Variants in ACSL4 observed in about 807,000 individuals in gnomAD.
The protein encoded by ACSL4 is acyl-CoA synthetase long chain family member 4.
A neutral mutation model predicts 49.1 loss-of-function variants in ACSL4; 9 were observed. That is an observed-to-expected ratio of 0.18 (90% CI 0.11 to 0.32). The LOEUF (loss-of-function observed/expected upper bound fraction) is 0.32. ACSL4 is among the 10% of genes least tolerant of loss of function. The pLI is 1.00. For missense variants in ACSL4, 333 were observed against 493.7 expected, an observed-to-expected ratio of 0.67 and a Z score of 3.08; for synonymous variants, 191 against 170.3, an observed-to-expected ratio of 1.12 and a Z score of -0.95.
chrX:109,732,241 C>T (rs1176697658), intron 1 of ACSL4, among the ~76,000 whole-genome samples: 1 of 111,836 alleles, frequency 8.9e-6, no homozygotes, highest in Non-Finnish European at 1.9e-5. Flanking sequence ...CGACGATTGA[C>T]CTTTTTTTAG....
Position 109,681,065 on chromosome X carries a change from C to G in ACSL4, c.588G>C (p.Glu196Asp). The change falls in exon 6 of 16, where the codon GAG becomes GAC. Residue 196 changes from glutamate (E) to aspartate (D), a missense_variant. Physicochemically the swap from Glu to Asp is conservative, Grantham distance 45. This residue lies in a region of ACSL4 where 157 missense variants were observed against 201.1 expected (regional missense o/e 0.78). Coordinates refer to ENST00000672401, the MANE Select transcript of ACSL4 (RefSeq NM_001318510.2). ...TGTGAATCTCAAATCCTTCAGGGTA[C>G]TCTGCTTTATTGATAGCCTTATTGT... is the stretch of plus-strand genomic sequence containing the variant. ...YVDNKAINKA[E>D]YPEGFEIHSM... 1 of 1,209,539 alleles carries G rather than the reference C, an allele frequency of 8.3e-7. No homozygotes were observed. Among genetic ancestry groups the G allele is most frequent in the Non-Finnish European group, 1.1e-6 (1 of 893,848 alleles).
Position 109,643,966 on chromosome X carries a change from A to C in ACSL4, c.*63T>G. The C allele has an allele frequency of 8.7e-7, 1 of 1,146,812 alleles. No homozygotes were observed. Among genetic ancestry groups the C allele is most frequent in the Non-Finnish European group, 1.2e-6 (1 of 836,897 alleles). The allele number at this position is 1,146,812 out of a possible 1,213,427, so 94.5% of individuals were successfully genotyped here. ...TTCTAACAGTTCAACAAAGGCTTAA[A>C]ATTCTAGAGGTTGAAAACCACCAGG... On this transcript the variant is annotated 3_prime_UTR_variant, in exon 16 of 16. Coordinates refer to ENST00000672401, the MANE Select transcript of ACSL4 (RefSeq NM_001318510.2).
chrX:109,710,727 G>A (rs991819013), intron 1 of ACSL4, among the ~76,000 whole-genome samples: 1 of 111,290 alleles, frequency 9.0e-6, no homozygotes, highest in Non-Finnish European at 1.9e-5. Flanking sequence ...TTTTTTTGTT[G>A]AGAGATGGGG....
chrX:109,725,950 T>C (rs758956515), intron 1 of ACSL4, among the ~76,000 whole-genome samples: 47 of 110,858 alleles, frequency 4.2e-4, no homozygotes, highest in African/African-American at 1.5e-3. Context: ...ATGTGCTGAA[T>C]TGTGTTTCTT....
intron 15 of ACSL4, among the ~76,000 whole-genome samples, chrX:109,645,730 C>A (rs1474077593): frequency 9.0e-6 from 1 of 111,323 alleles, no homozygotes; most frequent in Non-Finnish European, 1.9e-5. Flanking sequence ...CTCCGAGCTA[C>A]GGGAGGACAT....
chrX:109,647,410 C>T (rs1349058046), intron 15 of ACSL4, among the ~76,000 whole-genome samples: 1 of 111,918 alleles, frequency 8.9e-6, no homozygotes, highest in East Asian at 2.8e-4. Context: ...GAACAACCTG[C>T]TCCTGGATGA....
chrX:109,654,057 T>C (rs1229529800), intron 15 of ACSL4, among the ~76,000 whole-genome samples: 3 of 109,827 alleles, frequency 2.7e-5, no homozygotes, highest in Non-Finnish European at 5.7e-5. Flanking sequence ...AATAATCACA[T>C]AAGAAAATAA....
chrX:109,663,162 A>G, intron 13 of ACSL4, 49 bp downstream of exon 13: 1 of 1,060,191 alleles, frequency 9.4e-7, no homozygotes, highest in Non-Finnish European at 1.3e-6. Flanking sequence ...TTTCATATAT[A>G]CTGAAGTTAT....
intron 9 of ACSL4, among the ~76,000 whole-genome samples, chrX:109,672,330 G>T (rs1457537036): frequency 9.0e-6 from 1 of 110,585 alleles, no homozygotes; most frequent in Middle Eastern, 4.7e-3. Context: ...GAATGAGACA[G>T]ATGTGTGAGA....
chrX:109,678,979 CAG>C (rs1051324011), intron 6 of ACSL4, among the ~76,000 whole-genome samples: 3 of 112,126 alleles, frequency 2.7e-5, no homozygotes, highest in Admixed American at 9.5e-5. Context: ...ATCAGGAGGA[CAG>C]AGTATGTGTA....
intron 1 of ACSL4, among the ~76,000 whole-genome samples, chrX:109,697,590 T>C (rs1925536351): frequency 9.1e-6 from 1 of 109,848 alleles, no homozygotes; most frequent in African/African-American, 3.3e-5. Context: ...GTTGAGGGGT[T>C]ACCAGGGACA....
intron 12 of ACSL4, among the ~76,000 whole-genome samples, chrX:109,665,176 A>G (rs766484922): frequency 9.0e-6 from 1 of 110,956 alleles, no homozygotes; most frequent in Non-Finnish European, 1.9e-5. Context: ...TCCAGTAAGA[A>G]TTTTTTTTCT....
At chrX:109,721,895 AAT>A (rs1927592205) in intron 1 of ACSL4, among the ~76,000 whole-genome samples, 1 of 111,858 alleles carries the variant, frequency 8.9e-6, no homozygotes, top group Non-Finnish European at 1.9e-5. Context: ...CTAAGTGAGA[AAT>A]AGAGAAACTC....
intron 1 of ACSL4, among the ~76,000 whole-genome samples, chrX:109,727,282 C>T (rs1305926099): frequency 9.0e-6 from 1 of 111,303 alleles, no homozygotes; most frequent in Non-Finnish European, 1.9e-5. Flanking sequence ...AACCAACAGT[C>T]TAAGCTCAGT....
chrX:109,648,913 C>A lies in ACSL4; in HGVS notation c.1856-4727G>T, dbSNP rs1163222588. ...AACAGAGAGCCAAATCATGAGTGAA[C>A]TCCCATTCACAATTGCTTCAAAGAG... On this transcript the variant is annotated intron_variant, in intron 15 of 15. Coordinates refer to ENST00000672401, the MANE Select transcript of ACSL4 (RefSeq NM_001318510.2). Among the ~76,000 whole-genome samples, 7 of 98,207 alleles carry A rather than the reference C, an allele frequency of 7.1e-5. No individual in the cohort carries two copies. The Admixed American group carries it at 7.9e-4, about 11-fold the overall frequency. 85.3% of individuals were successfully genotyped at this position (98,207 alleles called of 115,157 possible).
chrX:109,669,187 A>G lies in ACSL4; in HGVS notation c.1003-14T>C, dbSNP rs745442286. ...ATCCATGATTTCCTGAAAGTTAAAC[A>G]AAATATTCAATAATCTGAAAGGAAT... On this transcript the variant is annotated splice_polypyrimidine_tract_variant and intron_variant, in intron 9 of 15. Coordinates refer to ENST00000672401, the MANE Select transcript of ACSL4 (RefSeq NM_001318510.2). 1 of 1,132,988 alleles carries G rather than the reference A, an allele frequency of 8.8e-7. No individual in the cohort carries two copies. Among genetic ancestry groups the G allele is most frequent in the Non-Finnish European group, 1.2e-6 (1 of 828,221 alleles). The allele number at this position is 1,132,988 out of a possible 1,213,427, so 93.4% of individuals were successfully genotyped here.
In ACSL4 at chrX:109,643,535, AT is replaced by A. The variant is rs1190988649; in HGVS notation, c.*493del. The A allele has an allele frequency of 8.4e-6, 1 of 118,968 alleles. No homozygotes were observed. Among genetic ancestry groups the A allele is most frequent in the Non-Finnish European group, 1.7e-5 (1 of 57,323 alleles). The allele number at this position is 118,968 out of a possible 1,213,427, so 9.8% of individuals were successfully genotyped here. ...ATTTTGTGTATTATATTACTATTGA[AT>A]TTTTCCTTCAAGATAAATGGTTGGA... On this transcript the variant is annotated 3_prime_UTR_variant, in exon 16 of 16. Coordinates refer to ENST00000672401, the MANE Select transcript of ACSL4 (RefSeq NM_001318510.2).
At chrX:109,652,100 C>A (rs1297658684) in intron 15 of ACSL4, among the ~76,000 whole-genome samples, 3 of 111,582 alleles carry the variant, frequency 2.7e-5, no homozygotes, top group African/African-American at 9.7e-5. Flanking sequence ...TTGCTCAAAT[C>A]ACCCAAAAAC....
intron 15 of ACSL4, among the ~76,000 whole-genome samples, chrX:109,649,193 A>G (rs1269286218): frequency 9.0e-6 from 1 of 111,488 alleles, no homozygotes; most frequent in African/African-American, 3.3e-5. Context: ...TTCATATGGA[A>G]CCAAAAAAGA....
Sources: gnomAD v4.1 joint callset for allele counts (sites outside exome capture counted in the v4.1 genomes callset) on GRCh38, gnomAD v4.1.1 for gene constraint, gnomAD v4.1.1 regional missense constraint, MANE v1.5 for transcripts, NCBI Gene and HGNC (gene_info 2026-07-23, HGNC 2026-07-21) for gene names.